ARHGAP39: variants seen among roughly 807,000 people sequenced by gnomAD.
ARHGAP39 encodes Rho GTPase activating protein 39, also known as rho GTPase-activating protein 39.
Under a neutral mutation model 106.9 loss-of-function variants are expected in ARHGAP39, and 44 were observed. The ratio of observed to expected loss-of-function variants is 0.41; its 90% CI spans 0.32 to 0.53. The LOEUF (loss-of-function observed/expected upper bound fraction) is 0.53. Ranked by LOEUF, ARHGAP39 falls within the 20% of genes least tolerant of loss-of-function variation. The pLI, the probability that ARHGAP39 is intolerant of heterozygous loss-of-function variation, is 0.21. For missense variants in ARHGAP39, 1,496 were observed against 1,577.3 expected, an observed-to-expected ratio of 0.95 and a Z score of 0.87; for synonymous variants, 768 against 693.2, an observed-to-expected ratio of 1.11 and a Z score of -1.69.
At chr8:144,667,937 C>T (rs554809138) in intron 1 of ARHGAP39, among the ~76,000 whole-genome samples, 11 of 152,218 alleles carry the variant, frequency 7.2e-5, no homozygotes, top group African/African-American at 1.7e-4. Flanking sequence ...TGGAGAGTGA[C>T]GGCTTCTTCT....
chr8:144,535,473 T>C (rs1257831310), intron 7 of ARHGAP39, among the ~76,000 whole-genome samples: 4 of 152,198 alleles, frequency 2.6e-5, no homozygotes, highest in African/African-American at 7.2e-5. Context: ...ACCCTTGTTT[T>C]TCTAGAATGG....
chr8:144,535,558 C>T (rs1001870523), intron 7 of ARHGAP39, among the ~76,000 whole-genome samples: 11 of 152,224 alleles, frequency 7.2e-5, no homozygotes, highest in African/African-American at 2.7e-4. Flanking sequence ...TGCAGGAAGG[C>T]GGCAGAAACC....
chr8:144,570,744 TAAA>T (rs1818558205), intron 3 of ARHGAP39, among the ~76,000 whole-genome samples: 1 of 151,596 alleles, frequency 6.6e-6, no homozygotes, highest in African/African-American at 2.4e-5. Flanking sequence ...GCAAGACTAA[TAAA>T]GAAGAAAAGA....
At chr8:144,620,721 CCT>C (rs1388430107) in intron 1 of ARHGAP39, among the ~76,000 whole-genome samples, 1 of 152,246 alleles carries the variant, frequency 6.6e-6, no homozygotes, top group Non-Finnish European at 1.5e-5. Flanking sequence ...CTCTCTGACC[CCT>C]GACCCAGTGG....
upstream of ARHGAP39, among the ~76,000 whole-genome samples, chr8:144,689,497 C>T (rs1441511547): frequency 4.2e-5 from 5 of 120,094 alleles, no homozygotes; most frequent in African/African-American, 6.5e-5. Context: ...AGTGAAGTGG[C>T]GTGATCTTGG....
rs1392321868 is a variant in ARHGAP39, at chr8:144,671,341, A to G, written c.-82+14345T>C. Among the ~76,000 whole-genome samples the G allele has an allele frequency of 6.6e-6, 1 of 152,232 alleles. No homozygotes were observed. Among genetic ancestry groups the G allele is most frequent in the Non-Finnish European group, 1.5e-5 (1 of 68,034 alleles). On this transcript the variant is annotated intron_variant, in intron 1 of 11. Coordinates refer to ENST00000377307, the MANE Select transcript of ARHGAP39 (RefSeq NM_025251.3). This position sits in a 1 kb window ranked among gnomAD's most constrained non-coding sequence, Gnocchi z 4.5. ...TCACGTAAGTTCTGATGTTTTCCGC[A>G]AAAGAAATGAACGAATAAAGCTGGA...
chr8:144,639,541 T>C (rs1291351839), intron 1 of ARHGAP39, among the ~76,000 whole-genome samples: 1 of 152,122 alleles, frequency 6.6e-6, no homozygotes, highest in East Asian at 1.9e-4. Context: ...TTTGACAGTT[T>C]ATAAGTTCAC....
intron 1 of ARHGAP39, among the ~76,000 whole-genome samples, chr8:144,623,560 G>A (rs1005402841): frequency 4.6e-5 from 7 of 152,214 alleles, no homozygotes; most frequent in Non-Finnish European, 8.8e-5. Flanking sequence ...CCTGACAGGC[G>A]GCCTCGCGGC....
intron 3 of ARHGAP39, among the ~76,000 whole-genome samples, chr8:144,559,452 T>G (rs955856271): frequency 1.3e-5 from 2 of 151,272 alleles, no homozygotes; most frequent in African/African-American, 4.9e-5. Context: ...AGCGCAAGTA[T>G]TGACCCAAAT....
chr8:144,616,268 C>G (rs1253918310), intron 1 of ARHGAP39, among the ~76,000 whole-genome samples: 1 of 152,266 alleles, frequency 6.6e-6, no homozygotes, highest in Non-Finnish European at 1.5e-5. Flanking sequence ...CCTGGATCCT[C>G]TGTGTCCATG....
At chr8:144,551,041 A>G (rs1341272987) in intron 4 of ARHGAP39, among the ~76,000 whole-genome samples, 3 of 152,246 alleles carry the variant, frequency 2.0e-5, no homozygotes, top group Non-Finnish European at 4.4e-5. Context: ...ACCCTCGGTC[A>G]ATGCGAACCA....
At position 144,679,674 on chromosome 8, in the gene ARHGAP39, C is replaced by T. The variant is rs529823971; in HGVS notation, c.-82+6012G>A. ...TCACAAAGCTGCCTGCGGTGGCTCC[C>T]GGTTAGCTAGAAAATTAAAATCTAG... On this transcript the variant is annotated intron_variant, in intron 1 of 11. Coordinates refer to ENST00000377307, the MANE Select transcript of ARHGAP39 (RefSeq NM_025251.3). The surrounding 1 kb of genome is among the most constrained non-coding windows in gnomAD (Gnocchi z 4.7). Among the ~76,000 whole-genome samples, 6 of 152,312 alleles carry T rather than the reference C, an allele frequency of 3.9e-5. No individual in the cohort carries two copies. Among genetic ancestry groups the T allele is most frequent in the East Asian group, 1.9e-4 (1 of 5,178 alleles).
At chr8:144,595,516 C>T (rs914204605) in intron 2 of ARHGAP39, among the ~76,000 whole-genome samples, 1 of 152,152 alleles carries the variant, frequency 6.6e-6, no homozygotes, top group Admixed American at 6.5e-5. Flanking sequence ...GATTGTGCAC[C>T]TTACAGGGTG....
intron 3 of ARHGAP39, among the ~76,000 whole-genome samples, chr8:144,558,980 G>A (rs1818044379): frequency 6.6e-6 from 1 of 152,042 alleles, no homozygotes; most frequent in Admixed American, 6.6e-5. Flanking sequence ...AGGCCAAGGT[G>A]GGCGGATCAC....
In ARHGAP39 at chr8:144,641,040, G is replaced by A. The variant is rs1006152533; in HGVS notation, c.-81-35345C>T. On this transcript the variant is annotated intron_variant, in intron 1 of 11. Coordinates refer to ENST00000377307, the MANE Select transcript of ARHGAP39 (RefSeq NM_025251.3). This position sits in a 1 kb window ranked among gnomAD's most constrained non-coding sequence, Gnocchi z 5.2. ...TTCTTATTTCCTACAATAATAAAATGTACACTCAACTAGATATTTTTATTT... is the reference window on the plus strand; with the variant it reads ...TTCTTATTTCCTACAATAATAAAATATACACTCAACTAGATATTTTTATTT... Among the ~76,000 whole-genome samples the A allele has an allele frequency of 4.6e-5, 7 of 152,066 alleles. No individual in the cohort carries two copies. The highest frequency in any genetic ancestry group is 7.4e-5 in the Non-Finnish European group (5 of 68,014).
At position 144,605,279 on chromosome 8, in the gene ARHGAP39, G is replaced by A. The variant is rs574208153; in HGVS notation, c.80+256C>T. On this transcript the variant is annotated intron_variant, in intron 2 of 11. Coordinates refer to ENST00000377307, the MANE Select transcript of ARHGAP39 (RefSeq NM_025251.3). ...CTGTCTCCTCAAGAAATAAATCAAT[G>A]AATAAATTAGAAAATCAAAAATTAG... Among the ~76,000 whole-genome samples the A allele has an allele frequency of 2.6e-5, 4 of 152,142 alleles. No homozygotes were observed. The South Asian group carries it at 8.3e-4, about 32-fold the overall frequency.
chr8:144,649,522 C>A (rs753394628), intron 1 of ARHGAP39, among the ~76,000 whole-genome samples: 2 of 152,126 alleles, frequency 1.3e-5, no homozygotes, highest in South Asian at 4.1e-4. Context: ...GTAATCCCAG[C>A]ACTTTGGGAG....
At chr8:144,675,553 G>T (rs1443330849) in intron 1 of ARHGAP39, among the ~76,000 whole-genome samples, 1 of 152,096 alleles carries the variant, frequency 6.6e-6, no homozygotes, top group Non-Finnish European at 1.5e-5. Flanking sequence ...ATTCCTTCCG[G>T]TGGGTTTGTG....
intron 1 of ARHGAP39, among the ~76,000 whole-genome samples, chr8:144,657,979 A>T (rs537482510): frequency 4.9e-4 from 75 of 152,322 alleles, no homozygotes; most frequent in African/African-American, 1.7e-3. Context: ...GATAATACAA[A>T]TTTTTTAATA....
Sources: allele counts gnomAD v4.1 joint callset (sites outside exome capture counted in the v4.1 genomes callset), GRCh38; gene constraint gnomAD v4.1.1; non-coding constraint Gnocchi (gnomAD v3.1); transcripts MANE v1.5; gene names NCBI Gene and HGNC (gene_info 2026-07-23, HGNC 2026-07-21).